The following MXD1 variants were observed in gnomAD, a reference collection of about 807,000 sequenced individuals.
MXD1 encodes MAX dimerization protein 1, also known as MAX-binding protein.
A neutral mutation model predicts 25.7 loss-of-function variants in MXD1; 9 were observed. The observed-to-expected ratio is 0.35, with a 90% confidence interval of 0.21 to 0.61. MXD1 has a LOEUF of 0.61. Among genes scored for constraint, MXD1 ranks in the 20% least tolerant of loss-of-function variants. The pLI is 0.75. For synonymous variants in MXD1, 99 were observed against 113.9 expected (o/e 0.87, Z 0.83); for missense variants, 227 against 292.4 (o/e 0.78, Z 1.63).
At chr2:69,936,348 G>A (rs1188206132) in intron 4 of MXD1, among the ~76,000 whole-genome samples, 1 of 151,996 alleles carries the variant, frequency 6.6e-6, no homozygotes. Flanking sequence ...GAGGGGACTG[G>A]GTCTTTGTGC....
At position 69,915,696 on chromosome 2, in the gene MXD1, C is replaced by A. The variant is rs1043381069; in HGVS notation, c.73+293C>A. ...CCCTCCGATAGCCTCCCTGGTTTAC[C>A]TCACCCGGGCTGGTCCCGGCCGGCC... On this transcript the variant is annotated intron_variant, in intron 1 of 5. Coordinates refer to ENST00000264444, the MANE Select transcript of MXD1 (RefSeq NM_002357.4). This position sits in a 1 kb window ranked among gnomAD's most constrained non-coding sequence, Gnocchi z 5.8. Among the ~76,000 whole-genome samples the A allele has an allele frequency of 1.3e-5, 2 of 152,314 alleles. No homozygotes were observed. The highest frequency in any genetic ancestry group is 4.8e-5 in the African/African-American group (2 of 41,580).
At chr2:69,934,222 A>G (rs1573408955) in intron 3 of MXD1, among the ~76,000 whole-genome samples, 1 of 152,298 alleles carries the variant, frequency 6.6e-6, no homozygotes, top group East Asian at 1.9e-4. Flanking sequence ...ATAAACAGTT[A>G]AGTGGTGCTT....
At chr2:69,930,955 TAAGTA>T (rs1471825952) in intron 3 of MXD1, among the ~76,000 whole-genome samples, 1 of 152,226 alleles carries the variant, frequency 6.6e-6, no homozygotes, top group Non-Finnish European at 1.5e-5. Context: ...TACACAGAGT[TAAGTA>T]ATTTGCCCAG....
chr2:69,926,872 G>C (rs1410340864), intron 3 of MXD1, among the ~76,000 whole-genome samples: 2 of 152,216 alleles, frequency 1.3e-5, no homozygotes, highest in Non-Finnish European at 2.9e-5. Context: ...CCAGGTGGTA[G>C]AATAGACTCT....
At chr2:69,937,417 C>T (rs1166948217) in intron 5 of MXD1, 23 bp downstream of exon 5, 1 of 1,576,798 alleles carries the variant, frequency 6.3e-7, no homozygotes, top group Non-Finnish European at 8.6e-7. Context: ...CACTCTCCTC[C>T]CTGTCTCCCT....
Position 69,937,378 on chromosome 2 carries a change from CT to C in MXD1, c.463del (p.Ser155ProfsTer29), listed in dbSNP as rs1489760193. Reference sequence around the variant, plus strand: ...TCGGCTCCACCGTCTCCTCGGAGCGCTCCGACTCCGACAGGGGTGAGCCTCT... The same window carrying C: ...TCGGCTCCACCGTCTCCTCGGAGCGCCCGACTCCGACAGGGGTGAGCCTCT... The part of the protein sequence containing the change: ...SIGSTVSSER[S>X]DSDREEIDVD... On this transcript the variant is annotated frameshift_variant, in exon 5 of 6. Coordinates refer to ENST00000264444, the MANE Select transcript of MXD1 (RefSeq NM_002357.4). LOFTEE classifies it high-confidence loss of function. 6.2e-7 allele frequency: 1 copy of C among 1,608,110 alleles called. No homozygotes were observed. Among genetic ancestry groups the C allele is most frequent in the Non-Finnish European group, 8.5e-7 (1 of 1,177,278 alleles).
In MXD1 at chr2:69,919,344, TTTTA is replaced by T. The variant is rs138655970; in HGVS notation, c.174-2376_174-2373del. On this transcript the variant is annotated intron_variant, in intron 2 of 5. Coordinates refer to ENST00000264444, the MANE Select transcript of MXD1 (RefSeq NM_002357.4). ...TTGGCATATACTTTCATCCATTTTA[TTTTA>T]TTTATTTATTTATTTTTAGACAGTC... 5.2e-3 allele frequency among the ~76,000 whole-genome samples: 793 copies of T among 152,172 alleles called. 8 individuals carry two copies. The highest frequency in any genetic ancestry group is 0.018 in the African/African-American group (763 of 41,502).
intron 4 of MXD1, 194 bp from the exon 5 acceptor site, chr2:69,937,041 G>T (rs752768718): frequency 1.3e-6 from 1 of 745,926 alleles, no homozygotes; most frequent in Non-Finnish European, 2.4e-6. Flanking sequence ...CAGCACTGGC[G>T]ATGCTGAAGA....
intron 3 of MXD1, among the ~76,000 whole-genome samples, chr2:69,933,301 A>G (rs889523154): frequency 2.6e-5 from 4 of 151,880 alleles, no homozygotes; most frequent in African/African-American, 9.7e-5. Flanking sequence ...ATACTTTCTC[A>G]TAGTGTTTCT....
intron 3 of MXD1, among the ~76,000 whole-genome samples, chr2:69,922,483 AT>A (rs1677085629): frequency 6.6e-6 from 1 of 152,220 alleles, no homozygotes; most frequent in Admixed American, 6.5e-5. Flanking sequence ...ACATATTTTT[AT>A]ATTAAATACA....
In MXD1 at chr2:69,938,161, C is replaced by G; in HGVS notation, c.543C>G (p.Ser181Arg). The change falls in exon 6 of 6, where the codon AGC becomes AGG. Residue 181 changes from serine to arginine, a missense_variant. Ser to Arg is a moderately radical substitution (Grantham distance 110). Transcript: ENST00000264444. The part of the protein sequence containing the change: ...YLTGDLDWSS[S>R]SVSDSDERGS... ...CAGGTGATCTGGACTGGAGCAGCAGCAGTGTGAGCGACTCTGACGAGCGGG... is the reference window on the plus strand; with the variant it reads ...CAGGTGATCTGGACTGGAGCAGCAGGAGTGTGAGCGACTCTGACGAGCGGG... 6.2e-7 allele frequency: 1 copy of G among 1,614,230 alleles called. No homozygotes were observed. Among genetic ancestry groups the G allele is most frequent in the Non-Finnish European group, 8.5e-7 (1 of 1,180,046 alleles).
In MXD1 at chr2:69,938,431, G is replaced by T; in HGVS notation, c.*147G>T. The T allele has an allele frequency of 2.6e-6, 2 of 772,172 alleles. No homozygotes were observed. The highest frequency in any genetic ancestry group is 2.1e-6 in the Non-Finnish European group (1 of 481,570). 47.8% of individuals were successfully genotyped at this position (772,172 alleles called of 1,614,324 possible). A position where few individuals can be genotyped will look rare whatever the true frequency, so the allele number is the denominator to read the frequency against. ...CAGCTTTGTAACTGTTTTCAAGGAGGTGCTTAGGATTGTGGGTTTCTGATT... is the reference window on the plus strand; with the variant it reads ...CAGCTTTGTAACTGTTTTCAAGGAGTTGCTTAGGATTGTGGGTTTCTGATT... On this transcript the variant is annotated 3_prime_UTR_variant, in exon 6 of 6. Coordinates refer to ENST00000264444, the MANE Select transcript of MXD1 (RefSeq NM_002357.4).
At chr2:69,935,848 C>T (rs1007327076) in intron 4 of MXD1, among the ~76,000 whole-genome samples, 3 of 152,202 alleles carry the variant, frequency 2.0e-5, no homozygotes, top group African/African-American at 7.2e-5. Context: ...CTGGGTCCCT[C>T]CCGTCTGCTT....
chr2:69,922,879 C>CAAAA (rs34830116), intron 3 of MXD1, among the ~76,000 whole-genome samples: 3 of 115,084 alleles, frequency 2.6e-5, no homozygotes, highest in South Asian at 5.6e-4. Context: ...GACTCCGTCT[C>CAAAA]AAAAAAAAAA....
chr2:69,915,226 C>G lies in MXD1; in HGVS notation c.-105C>G. 1 of 1,040,754 alleles carries G rather than the reference C, an allele frequency of 9.6e-7. No individual in the cohort carries two copies. The highest frequency in any genetic ancestry group is 1.3e-6 in the Non-Finnish European group (1 of 793,078). 64.5% of individuals were successfully genotyped at this position (1,040,754 alleles called of 1,614,324 possible). On this transcript the variant is annotated 5_prime_UTR_variant, in exon 1 of 6. Transcript: ENST00000264444. This position sits in a 1 kb window ranked among gnomAD's most constrained non-coding sequence, Gnocchi z 5.8. The stretch of plus-strand genomic sequence containing the variant: ...CAGCCCTGCTCCGCGGGGTCCACAG[C>G]GGGCTCCACAGCGGGCTCCATAGCG...
chr2:69,936,155 G>C (rs556183626), intron 4 of MXD1, among the ~76,000 whole-genome samples: 3 of 152,114 alleles, frequency 2.0e-5, no homozygotes, highest in Admixed American at 2.0e-4. Context: ...TTATTCTTCA[G>C]ATCACAGTGC....
In MXD1 at chr2:69,915,475, C is replaced by A. The variant is rs927437467; in HGVS notation, c.73+72C>A. On this transcript the variant is annotated intron_variant, in intron 1 of 5. Coordinates refer to ENST00000264444, the MANE Select transcript of MXD1 (RefSeq NM_002357.4). This position sits in a 1 kb window ranked among gnomAD's most constrained non-coding sequence, Gnocchi z 5.8. ...CTGTGGGGCCGGCCTCAGGTCCGGG[C>A]GCCCAGCCGCTCCGGGGGTGGTTGG... 4.2e-6 allele frequency: 5 copies of A among 1,189,714 alleles called. No individual in the cohort carries two copies. The highest frequency in any genetic ancestry group is 5.4e-6 in the Non-Finnish European group (5 of 933,762). The allele number at this position is 1,189,714 out of a possible 1,614,324, so 73.7% of individuals were successfully genotyped here.
chr2:69,915,151 C>T lies in MXD1; in HGVS notation c.-180C>T. The T allele has an allele frequency of 4.5e-6, 2 of 447,754 alleles. No individual in the cohort carries two copies. Among genetic ancestry groups the T allele is most frequent in the Non-Finnish European group, 7.5e-6 (2 of 266,970 alleles). The allele number at this position is 447,754 out of a possible 1,614,324, so 27.7% of individuals were successfully genotyped here. A position where few individuals can be genotyped will look rare whatever the true frequency, so the allele number is the denominator to read the frequency against. ...GTCACTGTGTCGGCGGTGCCCAGCT[C>T]ACTGGCCCCCTCCCTCTCTTGTCGA... On this transcript the variant is annotated 5_prime_UTR_variant, in exon 1 of 6. Transcript: ENST00000264444. This position sits in a 1 kb window ranked among gnomAD's most constrained non-coding sequence, Gnocchi z 5.8.
chr2:69,928,632 C>T (rs1300435132), intron 3 of MXD1, among the ~76,000 whole-genome samples: 2 of 150,972 alleles, frequency 1.3e-5, no homozygotes, highest in Admixed American at 6.6e-5. Flanking sequence ...TTTAGGAGGC[C>T]GAGGTGGGAG....
Sources: gnomAD v4.1 joint callset for allele counts (sites outside exome capture counted in the v4.1 genomes callset) on GRCh38, gnomAD v4.1.1 for gene constraint, Gnocchi (gnomAD v3.1) non-coding constraint, MANE v1.5 for transcripts, NCBI Gene and HGNC (gene_info 2026-07-23, HGNC 2026-07-21) for gene names.